Variants in BCL2 observed in about 807,000 individuals in gnomAD.
BCL2 encodes the protein apoptosis regulator Bcl-2.
BCL2 carries 1 observed loss-of-function variant against 14.2 expected under a neutral mutation model. The observed-to-expected ratio is 0.07, with a 90% CI of 0.02 to 0.33. The LOEUF (loss-of-function observed/expected upper bound fraction) is 0.33, where lower values mean the gene tolerates loss of function less well. BCL2 is among the 10% of genes least tolerant of loss of function. The pLI is 0.99. For synonymous variants in BCL2, 151 were observed against 137.2 expected (o/e 1.10, Z -0.70); for missense variants, 247 against 305.9 (o/e 0.81, Z 1.44).
intron 2 of BCL2, among the ~76,000 whole-genome samples, chr18:63,290,901 C>A (rs773412759): frequency 1.3e-5 from 2 of 152,194 alleles, no homozygotes; most frequent in African/African-American, 4.8e-5. Flanking sequence ...CCACTCGGCC[C>A]TCTTTCCCAG....
At chr18:63,236,265 G>T (rs187963660) in intron 2 of BCL2, among the ~76,000 whole-genome samples, 94 of 152,238 alleles carry the variant, frequency 6.2e-4, no homozygotes, top group African/African-American at 2.2e-3. Flanking sequence ...ACCCAGTCTC[G>T]GGTATTTCTT....
intron 2 of BCL2, among the ~76,000 whole-genome samples, chr18:63,255,510 G>A (rs571958170): frequency 3.3e-5 from 5 of 152,266 alleles, no homozygotes; most frequent in African/African-American, 1.2e-4. Context: ...AAGTAAAGTG[G>A]CCTAGAGTGG....
chr18:63,277,554 T>C (rs184421484), intron 2 of BCL2, among the ~76,000 whole-genome samples: 1 of 148,394 alleles, frequency 6.7e-6, no homozygotes, highest in African/African-American at 2.5e-5. Context: ...CTTGCCTGGG[T>C]GACAGAGGGA....
chr18:63,179,348 C>G (rs959296757), intron 2 of BCL2, among the ~76,000 whole-genome samples: 1 of 152,208 alleles, frequency 6.6e-6, no homozygotes, highest in African/African-American at 2.4e-5. Flanking sequence ...CTCCGGTTGG[C>G]AGCATTGCCA....
intron 2 of BCL2, chr18:63,302,819 C>T (rs1033365807): frequency 1.0e-5 from 10 of 985,172 alleles, no homozygotes; most frequent in Admixed American, 6.2e-5. Flanking sequence ...CTGAAACTCC[C>T]TTAGCCCTGC....
At chr18:63,193,107 T>C (rs921877837) in intron 2 of BCL2, among the ~76,000 whole-genome samples, 11 of 152,200 alleles carry the variant, frequency 7.2e-5, no homozygotes, top group Non-Finnish European at 1.5e-4. Flanking sequence ...GAAGCACATG[T>C]TACTGTGGTC....
At chr18:63,133,716 G>A (rs1453372763) in intron 2 of BCL2, among the ~76,000 whole-genome samples, 2 of 152,148 alleles carry the variant, frequency 1.3e-5, no homozygotes, top group Non-Finnish European at 2.9e-5. Context: ...ATATGGGCGG[G>A]GGTCCCAAAA....
At chr18:63,302,968 T>G (rs1394857280) in intron 2 of BCL2, 6 of 765,330 alleles carry the variant, frequency 7.8e-6, no homozygotes, top group Non-Finnish European at 9.5e-6. Context: ...TGGGTTTGTT[T>G]TTAAGTAGAA....
chr18:63,177,168 C>T (rs560196266), intron 2 of BCL2, among the ~76,000 whole-genome samples: 3 of 152,022 alleles, frequency 2.0e-5, no homozygotes, highest in South Asian at 2.1e-4. Flanking sequence ...TCACCCGCTT[C>T]CATAGGGGTG....
intron 2 of BCL2, among the ~76,000 whole-genome samples, chr18:63,198,383 CAG>C (rs1909518768): frequency 1.3e-5 from 2 of 148,992 alleles, no homozygotes; most frequent in Non-Finnish European, 1.5e-5. Context: ...TAGACACACA[CAG>C]ACACCCATTG....
chr18:63,292,460 C>T (rs1384443393), intron 2 of BCL2, among the ~76,000 whole-genome samples: 2 of 152,116 alleles, frequency 1.3e-5, no homozygotes, highest in Non-Finnish European at 2.9e-5. Flanking sequence ...GAAAGGCTTT[C>T]CTTTCTAATT....
chr18:63,170,058 T>C (rs1915185809), intron 2 of BCL2, among the ~76,000 whole-genome samples: 1 of 152,146 alleles, frequency 6.6e-6, no homozygotes, highest in Non-Finnish European at 1.5e-5. Flanking sequence ...AGCACACACA[T>C]GGCTTTAAAC....
intron 2 of BCL2, among the ~76,000 whole-genome samples, chr18:63,235,907 A>G (rs976179113): frequency 6.6e-6 from 1 of 152,128 alleles, no homozygotes; most frequent in African/African-American, 2.4e-5. Flanking sequence ...TAAACTTTAT[A>G]TAAAGGATAT....
Position 63,128,273 on chromosome 18 carries a change from C to T in BCL2, c.*352G>A. ...TGGAAAGCGAATCTATGTTTACAGGCACAGAACATCCAGGTGGAGCCACAC... is the reference window on the plus strand; with the variant it reads ...TGGAAAGCGAATCTATGTTTACAGGTACAGAACATCCAGGTGGAGCCACAC... On this transcript the variant is annotated 3_prime_UTR_variant, in exon 3 of 3. Transcript: ENST00000333681. 4.1e-6 allele frequency: 1 copy of T among 242,894 alleles called. No homozygotes were observed. The highest frequency in any genetic ancestry group is 5.9e-5 in the East Asian group (1 of 17,074). 15.0% of individuals were successfully genotyped at this position (242,894 alleles called of 1,614,324 possible).
chr18:63,266,637 T>TCTCTCTCTCTCTCTCTCACACACACA (rs1491465885), intron 2 of BCL2, among the ~76,000 whole-genome samples: 3 of 85,936 alleles, frequency 3.5e-5, no homozygotes, highest in Admixed American at 2.3e-4. Flanking sequence ...TCTCTCTCTC[T>TCTCTCTCTCTCTCTCTCACACACACA]CACACACACA....
chr18:63,206,919 G>C (rs1180592884), intron 2 of BCL2, among the ~76,000 whole-genome samples: 1 of 152,138 alleles, frequency 6.6e-6, no homozygotes, highest in Non-Finnish European at 1.5e-5. Context: ...ACAGTAAAAA[G>C]GGGAGGACGA....
chr18:63,232,655 G>C lies in BCL2; in HGVS notation c.585+85427C>G, dbSNP rs142373028. 2.2e-3 allele frequency among the ~76,000 whole-genome samples: 336 copies of C among 152,344 alleles called. 1 individual carries two copies. Among genetic ancestry groups the C allele is most frequent in the African/African-American group, 7.3e-3 (304 of 41,582 alleles). On this transcript the variant is annotated intron_variant, in intron 2 of 2. Transcript: ENST00000333681. ...CCCAACAATGTCAAGAGTGGGAGAA[G>C]ATGCAGAATAATAAGAATTGTACAC... is the stretch of plus-strand genomic sequence containing the variant.
intron 2 of BCL2, among the ~76,000 whole-genome samples, chr18:63,276,133 A>G (rs558868185): frequency 2.0e-5 from 3 of 152,172 alleles, no homozygotes; most frequent in Non-Finnish European, 4.4e-5. Flanking sequence ...CTTCTGGGTG[A>G]GTCTAAGCTT....
chr18:63,159,609 T>G lies in BCL2; in HGVS notation c.586-30850A>C, dbSNP rs76653505. Among the ~76,000 whole-genome samples the G allele has an allele frequency of 3.2e-3, 482 of 152,312 alleles. 19 individuals carry two copies. The East Asian group carries it at 0.082, about 26-fold the overall frequency. ...AGACAGGAGAAGCAGTCCATCTCAG[T>G]GAGTGAGTGGACATTTATTAGGCAT... On this transcript the variant is annotated intron_variant, in intron 2 of 2. Transcript: ENST00000333681.
Sources: gnomAD v4.1 joint callset for allele counts (sites outside exome capture counted in the v4.1 genomes callset) on GRCh38, gnomAD v4.1.1 for gene constraint, MANE v1.5 for transcripts, NCBI Gene and HGNC (gene_info 2026-07-23, HGNC 2026-07-21) for gene names.